Variants in CDKAL1 observed in about 807,000 individuals in gnomAD.
The protein encoded by CDKAL1 is CDKAL1 threonylcarbamoyladenosine tRNA methylthiotransferase.
Under a neutral mutation model 68.2 loss-of-function variants are expected in CDKAL1, and 32 were observed. The ratio of observed to expected loss-of-function variants is 0.47; its 90% CI spans 0.35 to 0.63. CDKAL1 has a LOEUF of 0.63. Among genes scored for constraint, CDKAL1 ranks in the 30% least tolerant of loss-of-function variants. The probability of loss-of-function intolerance (pLI) is 0.00; values close to 1 mark genes in which losing one functional copy is unlikely to be tolerated. For synonymous variants in CDKAL1, 234 were observed against 244.3 expected (o/e 0.96, Z 0.39); for missense variants, 606 against 696.7 (o/e 0.87, Z 1.47).
At chr6:20,680,626 T>C (rs976004970) in intron 5 of CDKAL1, among the ~76,000 whole-genome samples, 4 of 152,212 alleles carry the variant, frequency 2.6e-5, no homozygotes, top group Admixed American at 1.3e-4. Flanking sequence ...TTGTTCTTTC[T>C]ATAAGCAAGA....
chr6:20,720,428 A>C (rs1772293066), intron 5 of CDKAL1, among the ~76,000 whole-genome samples: 1 of 152,038 alleles, frequency 6.6e-6, no homozygotes, highest in Non-Finnish European at 1.5e-5. Flanking sequence ...TCAAATATTG[A>C]ATTTATTCCT....
chr6:20,990,473 T>C (rs749598216), intron 10 of CDKAL1, among the ~76,000 whole-genome samples: 1 of 152,246 alleles, frequency 6.6e-6, no homozygotes, highest in Non-Finnish European at 1.5e-5. Context: ...AGATGTTTTG[T>C]CTCAACCTGT....
chr6:20,951,280 A>G (rs1204662302), intron 9 of CDKAL1, among the ~76,000 whole-genome samples: 1 of 152,238 alleles, frequency 6.6e-6, no homozygotes, highest in Non-Finnish European at 1.5e-5. Context: ...GTCTTCACCC[A>G]TATTTTAATT....
chr6:20,711,480 G>A (rs1010005692), intron 5 of CDKAL1, among the ~76,000 whole-genome samples: 2 of 152,164 alleles, frequency 1.3e-5, no homozygotes, highest in Non-Finnish European at 2.9e-5. Flanking sequence ...AAAAACCTTG[G>A]TAGCATGGCG....
chr6:21,151,638 AT>A (rs1327728950), intron 13 of CDKAL1, among the ~76,000 whole-genome samples: 1 of 152,252 alleles, frequency 6.6e-6, no homozygotes, highest in East Asian at 1.9e-4. Context: ...AAAAATAAAT[AT>A]GTAATAAATA....
intron 13 of CDKAL1, among the ~76,000 whole-genome samples, chr6:21,126,471 A>G (rs540775266): frequency 2.6e-5 from 4 of 152,266 alleles, no homozygotes; most frequent in African/African-American, 7.2e-5. Flanking sequence ...ATCGTTACCC[A>G]TTCCCATCTC....
At chr6:21,150,702 A>T (rs1014172585) in intron 13 of CDKAL1, among the ~76,000 whole-genome samples, 1 of 152,254 alleles carries the variant, frequency 6.6e-6, no homozygotes, top group African/African-American at 2.4e-5. Flanking sequence ...CCCATGAAAT[A>T]CAACAGCCCA....
At chr6:21,059,313 C>T (rs1771010394) in intron 11 of CDKAL1, among the ~76,000 whole-genome samples, 1 of 152,204 alleles carries the variant, frequency 6.6e-6, no homozygotes, top group African/African-American at 2.4e-5. Flanking sequence ...ATGGCAGCCA[C>T]CCTCACCTCT....
chr6:20,646,794 A>G (rs1027467972), intron 4 of CDKAL1, among the ~76,000 whole-genome samples: 2 of 152,124 alleles, frequency 1.3e-5, no homozygotes, highest in African/African-American at 4.8e-5. Flanking sequence ...CCCAGGCTGG[A>G]GTATGGTGGC....
chr6:21,151,475 G>A (rs888427058), intron 13 of CDKAL1, among the ~76,000 whole-genome samples: 1 of 150,792 alleles, frequency 6.6e-6, no homozygotes, highest in Admixed American at 6.6e-5. Context: ...GACCTGTTTT[G>A]TTCATTGAAC....
intron 10 of CDKAL1, among the ~76,000 whole-genome samples, chr6:20,959,914 T>C (rs201014809): frequency 6.6e-6 from 1 of 152,220 alleles, no homozygotes; most frequent in East Asian, 1.9e-4. Context: ...AAATAATACA[T>C]GTGAACCCAA....
At chr6:20,891,029 A>G (rs191502441) in intron 9 of CDKAL1, among the ~76,000 whole-genome samples, 1 of 152,282 alleles carries the variant, frequency 6.6e-6, no homozygotes, top group East Asian at 1.9e-4. Flanking sequence ...AAGGATAAAT[A>G]ATTTGCACCT....
chr6:21,050,865 A>G (rs1235973710), intron 11 of CDKAL1, among the ~76,000 whole-genome samples: 2 of 152,172 alleles, frequency 1.3e-5, no homozygotes, highest in South Asian at 2.1e-4. Context: ...GCCTGTCACT[A>G]TCAATATTTG....
intron 5 of CDKAL1, among the ~76,000 whole-genome samples, chr6:20,667,753 A>G (rs952406999): frequency 1.3e-5 from 2 of 152,066 alleles, no homozygotes; most frequent in African/African-American, 4.8e-5. Flanking sequence ...TCCTGTGTGT[A>G]CTTTTCTGGG....
chr6:20,801,306 A>G (rs942421774), intron 8 of CDKAL1, among the ~76,000 whole-genome samples: 6 of 152,222 alleles, frequency 3.9e-5, no homozygotes, highest in African/African-American at 1.4e-4. Flanking sequence ...GAGGCTCTGC[A>G]GATGAAACCA....
intron 11 of CDKAL1, among the ~76,000 whole-genome samples, chr6:21,015,429 T>C (rs1206362721): frequency 6.6e-6 from 1 of 152,222 alleles, no homozygotes; most frequent in Admixed American, 6.5e-5. Flanking sequence ...ATAATTCAAC[T>C]GTCCAACAGT....
intron 7 of CDKAL1, among the ~76,000 whole-genome samples, chr6:20,773,657 C>T (rs966444704): frequency 6.6e-6 from 1 of 151,262 alleles, no homozygotes; most frequent in Non-Finnish European, 1.5e-5. Flanking sequence ...ACGCCATTCT[C>T]CTGCCTCAGC....
At chr6:20,975,217 T>A (rs897858176) in intron 10 of CDKAL1, among the ~76,000 whole-genome samples, 1 of 152,184 alleles carries the variant, frequency 6.6e-6, no homozygotes, top group Non-Finnish European at 1.5e-5. Flanking sequence ...CCAGTTAATC[T>A]CTGCCGTCTC....
At chr6:20,953,663 T>C (rs1050538544) in intron 9 of CDKAL1, among the ~76,000 whole-genome samples, 1 of 152,222 alleles carries the variant, frequency 6.6e-6, no homozygotes, top group Admixed American at 6.5e-5. Flanking sequence ...TCAGTCCACT[T>C]TTTAAATAGA....
Sources: gnomAD v4.1 joint callset for allele counts (sites outside exome capture counted in the v4.1 genomes callset) on GRCh38, gnomAD v4.1.1 for gene constraint, MANE v1.5 for transcripts, NCBI Gene and HGNC (gene_info 2026-07-23, HGNC 2026-07-21) for gene names.